The following MTERF3 variants were observed in gnomAD, a reference collection of about 807,000 sequenced individuals.
MTERF3 encodes the protein mitochondrial transcription termination factor 3.
MTERF3 carries 40 observed loss-of-function variants against 40.5 expected under a neutral mutation model. The observed-to-expected ratio is 0.99, with a 90% CI of 0.77 to 1.29. The LOEUF is 1.29. Ranked by LOEUF, MTERF3 falls within the 50% of genes most tolerant of loss-of-function variation. The probability of loss-of-function intolerance (pLI) is 0.00; values close to 1 mark genes in which losing one functional copy is unlikely to be tolerated. For synonymous variants in MTERF3, 158 were observed against 166.6 expected, an observed-to-expected ratio of 0.95 and a Z score of 0.40; for missense variants, 452 against 478.2, an observed-to-expected ratio of 0.95 and a Z score of 0.51.
intron 1 of MTERF3, among the ~76,000 whole-genome samples, chr8:96,259,912 TA>T (rs199683541): frequency 5.3e-5 from 8 of 151,394 alleles, no homozygotes; most frequent in African/African-American, 9.7e-5. Context: ...TTATTATTAT[TA>T]TTTTTTTTGA....
chr8:96,254,266 CT>C (rs543546294), intron 3 of MTERF3, among the ~76,000 whole-genome samples: 4 of 151,940 alleles, frequency 2.6e-5, no homozygotes, highest in African/African-American at 9.7e-5. Context: ...ATATTCATGA[CT>C]TTTTTTTGTG....
At position 96,253,842 on chromosome 8, in the gene MTERF3, T is replaced by TAA. The variant is rs1334289526; in HGVS notation, c.488-2748_488-2747insTT. Among the ~76,000 whole-genome samples the TAA allele has an allele frequency of 1.1e-3, 112 of 98,498 alleles. 1 individual carries two copies. The highest frequency in any genetic ancestry group is 3.8e-3 in the African/African-American group (98 of 25,458). 64.6% of individuals were successfully genotyped at this position (98,498 alleles called of 152,430 possible). A position where few individuals can be genotyped will look rare whatever the true frequency, so the allele number is the denominator to read the frequency against. On this transcript the variant is annotated intron_variant, in intron 3 of 7. Transcript: ENST00000287025. ...GCAACACAGTGAGACCTCCCTCTAT[T>TAA]TAAAAAAAAAAAAAAAAAAATTAGC... is the stretch of plus-strand genomic sequence containing the variant.
intron 6 of MTERF3, 90 bp downstream of exon 6, chr8:96,245,770 C>T: frequency 2.7e-6 from 3 of 1,107,094 alleles, no homozygotes; most frequent in African/African-American, 3.2e-5. Context: ...GTCTAGTTTT[C>T]TTTTACATGA....
chr8:96,258,419 A>G lies in MTERF3; in HGVS notation c.272T>C (p.Met91Thr). The change falls in exon 2 of 8, where the codon ATG (methionine) becomes ACG (threonine). Residue 91 changes from methionine to threonine, a missense_variant. By Grantham distance (81) the Met-to-Thr change is moderately conservative. Transcript: ENST00000287025. ...NSAQSSLLPS[M>T]NEQSQKTQNI... ...TTGTGTCTTCTGTGACTGTTCATTCATGGAAGGAAGCAGACTGCTTTGGGC... is the reference window on the plus strand; with the variant it reads ...TTGTGTCTTCTGTGACTGTTCATTCGTGGAAGGAAGCAGACTGCTTTGGGC... The G allele has an allele frequency of 6.2e-7, 1 of 1,614,114 alleles. No homozygotes were observed. Among genetic ancestry groups the G allele is most frequent in the Non-Finnish European group, 8.5e-7 (1 of 1,179,964 alleles).
intron 7 of MTERF3, among the ~76,000 whole-genome samples, chr8:96,243,608 C>T (rs1407266904): frequency 1.3e-5 from 2 of 152,170 alleles, no homozygotes; most frequent in Non-Finnish European, 2.9e-5. Flanking sequence ...TTTAAATAAA[C>T]TGTGACTAAA....
chr8:96,256,298 G>C (rs1810277764), intron 3 of MTERF3, among the ~76,000 whole-genome samples: 1 of 152,148 alleles, frequency 6.6e-6, no homozygotes, highest in African/African-American at 2.4e-5. Context: ...GTGGCTTCAG[G>C]AAGGAGGTCG....
At chr8:96,260,857 T>A (rs1040991102) in intron 1 of MTERF3, among the ~76,000 whole-genome samples, 2 of 152,204 alleles carry the variant, frequency 1.3e-5, no homozygotes, top group African/African-American at 4.8e-5. Flanking sequence ...TTCTCCACTT[T>A]CCCAGAGCCT....
intron 3 of MTERF3, among the ~76,000 whole-genome samples, chr8:96,255,850 G>C (rs531992488): frequency 2.3e-4 from 35 of 152,274 alleles, no homozygotes; most frequent in Middle Eastern, 3.4e-3. Context: ...AGCCTTATCG[G>C]AGAGGAGAAA....
intron 4 of MTERF3, among the ~76,000 whole-genome samples, chr8:96,250,609 CTGAGGCAGAAGAAGAAGA>C (rs1810130480): frequency 2.4e-5 from 1 of 41,522 alleles, no homozygotes; most frequent in Non-Finnish European, 5.6e-5. Context: ...ACTTGGGAGG[CTGAGGCAGAAGAAGAAGA>C]AGAAGAAGAA....
chr8:96,249,211 C>A (rs1470078236), intron 4 of MTERF3, among the ~76,000 whole-genome samples: 2 of 152,206 alleles, frequency 1.3e-5, no homozygotes, highest in Non-Finnish European at 2.9e-5. Context: ...GCTACTTATA[C>A]TAACGGTGTG....
At chr8:96,242,931 C>T (rs1038343114) in intron 7 of MTERF3, among the ~76,000 whole-genome samples, 1 of 152,150 alleles carries the variant, frequency 6.6e-6, no homozygotes, top group Non-Finnish European at 1.5e-5. Flanking sequence ...ATTGTCATTT[C>T]TTTTTCGTTG....
rs775105677 is a variant in MTERF3, at chr8:96,244,049, T to C, written c.929A>G (p.Asn310Ser). 5 of 1,613,654 alleles carry C rather than the reference T, an allele frequency of 3.1e-6. No individual in the cohort carries two copies. The highest frequency in any genetic ancestry group is 4.2e-6 in the Non-Finnish European group (5 of 1,179,548). ...TCTGGTGATCATATGTTGAATTTCG[T>C]TATGTTTAAAACCAAGTTCAAGACG... ...VYRLELGFKH[N>S]EIQHMITRIP... is the part of the protein sequence containing the mutation. The change falls in exon 7 of 8, where the codon AAC becomes AGC. Residue 310 changes from asparagine (N) to serine (S), a missense_variant. Transcript: ENST00000287025.
chr8:96,258,240 T>TC, intron 2 of MTERF3, 117 bp downstream of exon 2: 1 of 1,424,830 alleles, frequency 7.0e-7, no homozygotes, highest in South Asian at 1.6e-5. Context: ...CTGGTATTAT[T>TC]CTTTTTCTTT....
chr8:96,250,688 AGGAGGAGGGGGGG>A (rs1810159691), intron 4 of MTERF3, among the ~76,000 whole-genome samples: 1 of 28,726 alleles, frequency 3.5e-5, no homozygotes, highest in African/African-American at 1.7e-4. Flanking sequence ...AAGAAGGAGG[AGGAGGAGGGGGGG>A]AGGGGGAGGG....
chr8:96,239,893 A>G, intron 7 of MTERF3: 1 of 697,752 alleles, frequency 1.4e-6, no homozygotes. Context: ...ACAAAACAAT[A>G]ATAAAATAAT....
chr8:96,251,210 GAGAT>G (rs1810179829), intron 3 of MTERF3, 115 bp from the exon 4 acceptor site: 1 of 703,530 alleles, frequency 1.4e-6, no homozygotes, highest in Non-Finnish European at 2.2e-6. Flanking sequence ...AAGGAGCACT[GAGAT>G]AGATCAATAG....
chr8:96,244,776 G>A (rs1020665083), intron 6 of MTERF3, among the ~76,000 whole-genome samples: 2 of 152,082 alleles, frequency 1.3e-5, no homozygotes, highest in African/African-American at 2.4e-5. Context: ...TACAGCTTCC[G>A]GCTCCTGGGG....
chr8:96,256,103 C>T (rs768423675), intron 3 of MTERF3, among the ~76,000 whole-genome samples: 5 of 152,088 alleles, frequency 3.3e-5, no homozygotes, highest in African/African-American at 1.2e-4. Context: ...AAGTACCAAA[C>T]CCAGAGAAAT....
chr8:96,259,445 AC>A (rs1392008171), intron 1 of MTERF3, among the ~76,000 whole-genome samples: 1 of 152,220 alleles, frequency 6.6e-6, no homozygotes, highest in Non-Finnish European at 1.5e-5. Flanking sequence ...TAAATAAGCA[AC>A]CAGCAATTAA....
Sources: gnomAD v4.1 joint callset for allele counts (sites outside exome capture counted in the v4.1 genomes callset) on GRCh38, gnomAD v4.1.1 for gene constraint, MANE v1.5 for transcripts, NCBI Gene and HGNC (gene_info 2026-07-23, HGNC 2026-07-21) for gene names.